The following MAPKAP1 variants were observed in gnomAD, a reference collection of about 807,000 sequenced individuals.
The protein encoded by MAPKAP1 is target of rapamycin complex 2 subunit MAPKAP1.
MAPKAP1 carries 20 observed loss-of-function variants against 65.7 expected under a neutral mutation model. The ratio of observed to expected loss-of-function variants is 0.30; its 90% confidence interval spans 0.21 to 0.44. The LOEUF (loss-of-function observed/expected upper bound fraction) is 0.44. Ranked by LOEUF, MAPKAP1 falls within the 20% of genes least tolerant of loss-of-function variation. The probability of loss-of-function intolerance (pLI) is 1.00; values close to 1 mark genes in which losing one functional copy is unlikely to be tolerated. For synonymous variants in MAPKAP1, 222 were observed against 244.3 expected, an observed-to-expected ratio of 0.91 and a Z score of 0.85; for missense variants, 423 against 648.0, an observed-to-expected ratio of 0.65 and a Z score of 3.77.
intron 1 of MAPKAP1, among the ~76,000 whole-genome samples, chr9:125,675,336 T>C (rs867225643): frequency 9.2e-5 from 14 of 152,266 alleles, no homozygotes; most frequent in Middle Eastern, 3.4e-3. Flanking sequence ...AAAAGTCAAA[T>C]GGCAAAAGGC....
At chr9:125,675,752 C>T (rs1228143176) in intron 1 of MAPKAP1, among the ~76,000 whole-genome samples, 2 of 152,138 alleles carry the variant, frequency 1.3e-5, no homozygotes, top group African/African-American at 4.8e-5. Flanking sequence ...GGCAGGAGTT[C>T]AATAAATGTT....
At chr9:125,691,089 G>A (rs1030024399) in intron 1 of MAPKAP1, among the ~76,000 whole-genome samples, 3 of 152,096 alleles carry the variant, frequency 2.0e-5, no homozygotes, top group Non-Finnish European at 2.9e-5. Context: ...GTGAAACCCC[G>A]TCTCTACTAA....
chr9:125,579,898 T>A (rs1050391582), intron 5 of MAPKAP1, among the ~76,000 whole-genome samples: 79 of 152,190 alleles, frequency 5.2e-4, no homozygotes, highest in African/African-American at 1.8e-3. Context: ...AAGACCATGG[T>A]TTAGACTCAA....
chr9:125,662,213 C>A (rs571730675), intron 3 of MAPKAP1, among the ~76,000 whole-genome samples: 23 of 152,082 alleles, frequency 1.5e-4, no homozygotes, highest in Non-Finnish European at 3.2e-4. Flanking sequence ...AAAATCCCAT[C>A]TCTACAAAAA....
intron 1 of MAPKAP1, among the ~76,000 whole-genome samples, chr9:125,694,290 C>T (rs1046455576): frequency 1.3e-5 from 2 of 151,236 alleles, no homozygotes; most frequent in Admixed American, 6.6e-5. Context: ...ATGGTGCCAT[C>T]GCACTCCAGC....
At chr9:125,679,437 TAAC>T (rs1389047668) in intron 1 of MAPKAP1, among the ~76,000 whole-genome samples, 2 of 152,218 alleles carry the variant, frequency 1.3e-5, no homozygotes, top group East Asian at 3.9e-4. Flanking sequence ...TCCCCTCCAC[TAAC>T]AACAGTGCTT....
chr9:125,467,201 A>G (rs1474380464), intron 10 of MAPKAP1, among the ~76,000 whole-genome samples: 2 of 152,220 alleles, frequency 1.3e-5, no homozygotes, highest in Admixed American at 6.5e-5. Flanking sequence ...TCTCTAGGCA[A>G]CTAACAAACT....
intron 5 of MAPKAP1, among the ~76,000 whole-genome samples, chr9:125,580,238 T>C (rs1175955304): frequency 6.6e-6 from 1 of 152,192 alleles, no homozygotes; most frequent in Non-Finnish European, 1.5e-5. Context: ...CATGCACACA[T>C]GTGTTTACTG....
chr9:125,445,655 C>T (rs1407557633), intron 10 of MAPKAP1, among the ~76,000 whole-genome samples: 1 of 152,230 alleles, frequency 6.6e-6, no homozygotes, highest in Admixed American at 6.5e-5. Flanking sequence ...TAAATGCAGA[C>T]ATAGATGCTA....
intron 9 of MAPKAP1, among the ~76,000 whole-genome samples, chr9:125,474,499 C>A (rs1208885164): frequency 6.6e-6 from 1 of 152,146 alleles, no homozygotes; most frequent in African/African-American, 2.4e-5. Flanking sequence ...TGAGCCTGAT[C>A]ATTCTCCTCT....
chr9:125,557,960 G>A (rs767279162), intron 6 of MAPKAP1, among the ~76,000 whole-genome samples: 5 of 152,152 alleles, frequency 3.3e-5, no homozygotes, highest in South Asian at 2.1e-4. Flanking sequence ...GGGTTCCAGC[G>A]ATTCTCCTGC....
chr9:125,702,935 G>A (rs550978829), intron 1 of MAPKAP1, among the ~76,000 whole-genome samples: 28 of 152,122 alleles, frequency 1.8e-4, no homozygotes, highest in African/African-American at 6.7e-4. Context: ...GAGGTGGGAG[G>A]ATCACTTGAG....
intron 1 of MAPKAP1, among the ~76,000 whole-genome samples, chr9:125,673,237 G>GT (rs148342193): frequency 3.3e-5 from 5 of 152,192 alleles, no homozygotes; most frequent in Admixed American, 2.0e-4. Flanking sequence ...TTGTTGTTGT[G>GT]TTTTTTCTGA....
chr9:125,597,264 C>CAAAAAAAAAAA lies in MAPKAP1; in HGVS notation c.499-11548_499-11538dup, dbSNP rs35917056. Among the ~76,000 whole-genome samples the CAAAAAAAAAAA allele has an allele frequency of 7.6e-5, 4 of 52,656 alleles. 1 individual carries two copies. The highest frequency in any genetic ancestry group is 3.6e-4 in the African/African-American group (4 of 11,138). 34.5% of individuals were successfully genotyped at this position (52,656 alleles called of 152,430 possible). ...TGGACGACAGAGCGAGACTCCGTCT[C>CAAAAAAAAAAA]AAAAAAAAAAAAAAAAAAAAAAAAA... On this transcript the variant is annotated intron_variant, in intron 4 of 11. Transcript: ENST00000265960.
intron 1 of MAPKAP1, among the ~76,000 whole-genome samples, chr9:125,699,285 T>C (rs557725424): frequency 2.0e-5 from 3 of 151,838 alleles, no homozygotes; most frequent in African/African-American, 7.2e-5. Flanking sequence ...CATGGCTCAC[T>C]GCAGCCTTGA....
intron 7 of MAPKAP1, among the ~76,000 whole-genome samples, chr9:125,541,923 G>A (rs534457241): frequency 6.6e-6 from 1 of 152,202 alleles, no homozygotes; most frequent in Non-Finnish European, 1.5e-5. Flanking sequence ...CAGTCAGCTG[G>A]CAAAAGCCGA....
chr9:125,609,210 C>T (rs924479939), intron 4 of MAPKAP1, among the ~76,000 whole-genome samples: 4 of 152,140 alleles, frequency 2.6e-5, no homozygotes, highest in Non-Finnish European at 5.9e-5. Flanking sequence ...ACTTGCTGAA[C>T]TGATGGGAAT....
Position 125,442,120 on chromosome 9 carries a change from C to T in MAPKAP1, c.1443+2381G>A, listed in dbSNP as rs538903695. Among the ~76,000 whole-genome samples, 3 of 108,686 alleles carry T rather than the reference C, an allele frequency of 2.8e-5. No homozygotes were observed. In the South Asian group the frequency reaches 1.0e-3, roughly 37 times the overall value. The allele number at this position is 108,686 out of a possible 152,430, so 71.3% of individuals were successfully genotyped here. A position where few individuals can be genotyped will look rare whatever the true frequency, so the allele number is the denominator to read the frequency against. On this transcript the variant is annotated intron_variant, in intron 11 of 11. Coordinates refer to ENST00000265960, the MANE Select transcript of MAPKAP1 (RefSeq NM_001006617.3). ...CCCCAGCCTGTGCAACAGAGTGAGA[C>T]TCTGTCTCAAAAAAAAAAAAAAAAA...
intron 4 of MAPKAP1, among the ~76,000 whole-genome samples, chr9:125,634,169 T>TAA (rs2131693298): frequency 6.6e-6 from 1 of 152,346 alleles, no homozygotes; most frequent in East Asian, 1.9e-4. Flanking sequence ...CCTTCATTTT[T>TAA]AATTCTGTCA....
Sources: allele counts gnomAD v4.1 joint callset (sites outside exome capture counted in the v4.1 genomes callset), GRCh38; gene constraint gnomAD v4.1.1; transcripts MANE v1.5; gene names NCBI Gene and HGNC (gene_info 2026-07-23, HGNC 2026-07-21).